The following KARS1 variants were observed in gnomAD, a reference collection of about 807,000 sequenced individuals.
KARS1 encodes lysine--tRNA ligase.
KARS1 carries 50 observed loss-of-function variants against 63.9 expected under a neutral mutation model. The ratio of observed to expected loss-of-function variants is 0.78; its 90% CI spans 0.62 to 0.99. The LOEUF (loss-of-function observed/expected upper bound fraction) is 0.99. Ranked by LOEUF, KARS1 falls within the 50% of genes least tolerant of loss-of-function variation. The pLI is 0.00. For missense variants in KARS1, 816 were observed against 754.5 expected, an observed-to-expected ratio of 1.08 and a Z score of -0.95; for synonymous variants, 320 against 264.6, an observed-to-expected ratio of 1.21 and a Z score of -2.03.
intron 3 of KARS1, 173 bp downstream of exon 3, chr16:75,640,011 T>C: frequency 1.6e-6 from 1 of 639,992 alleles, no homozygotes; most frequent in Non-Finnish European, 2.8e-6. Flanking sequence ...TGATTCCATG[T>C]CTCAGGGCTG....
At chr16:75,635,278 G>C (rs958809533) in intron 6 of KARS1, 1 of 310,882 alleles carries the variant, frequency 3.2e-6, no homozygotes, top group African/African-American at 2.2e-5. Flanking sequence ...TCAAACTCAA[G>C]TTTGGGTAGG....
chr16:75,640,038 A>G (rs2082205608), intron 3 of KARS1, 146 bp downstream of exon 3: 2 of 716,590 alleles, frequency 2.8e-6, no homozygotes, highest in Non-Finnish European at 5.0e-6. Context: ...TTCTTTCTGT[A>G]TAGATATAAT....
Position 75,641,675 on chromosome 16 carries a change from C to A in KARS1, c.111G>T (p.Glu37Asp). ...LKAEKKVAEK[E>D]AKQKELSEKQ... ...TCTCACTGAGCTCTTTCTGTTTGGCCTCCTTCTCTGCTACTTTCTTCTCAG... is the reference window on the plus strand; with the variant it reads ...TCTCACTGAGCTCTTTCTGTTTGGCATCCTTCTCTGCTACTTTCTTCTCAG... Residue 37 changes from glutamate (E) to aspartate (D), a missense_variant, in exon 2 of 14, where the codon GAG (glutamate) becomes GAT (aspartate). Glu to Asp is a conservative substitution (Grantham distance 45). Transcript: ENST00000302445. 1 of 1,614,024 alleles carries A rather than the reference C, an allele frequency of 6.2e-7. No homozygotes were observed. Among genetic ancestry groups the A allele is most frequent in the Non-Finnish European group, 8.5e-7 (1 of 1,180,030 alleles).
chr16:75,630,578 A>C (rs1373647372), intron 10 of KARS1, 70 bp from the exon 11 acceptor site: 1 of 909,812 alleles, frequency 1.1e-6, no homozygotes, highest in Non-Finnish European at 1.8e-6. Flanking sequence ...GCCCAGACAG[A>C]AGATCTCAGC....
intron 1 of KARS1, 112 bp downstream of exon 1, chr16:75,647,466 A>G (rs937681933): frequency 2.0e-6 from 2 of 1,002,960 alleles, no homozygotes; most frequent in African/African-American, 3.2e-5. Flanking sequence ...GTGCGTACCC[A>G]CGAGAGCCGG....
rs747781002 is a variant in KARS1, at chr16:75,628,565, G to A, written c.1695+4C>T. 2.9e-5 allele frequency: 47 copies of A among 1,613,428 alleles called. No homozygotes were observed. Among genetic ancestry groups the A allele is most frequent in the East Asian group, 1.6e-4 (7 of 44,894 alleles). ...AGTGTGCTCTGTGGAGGGTTGCTACGTACCTTGATGTTGTTGGAGTCCGTG... is the reference window on the plus strand; with the variant it reads ...AGTGTGCTCTGTGGAGGGTTGCTACATACCTTGATGTTGTTGGAGTCCGTG... On this transcript the variant is annotated splice_donor_region_variant and intron_variant, in intron 13 of 13. Coordinates refer to ENST00000302445, the MANE Select transcript of KARS1 (RefSeq NM_005548.3).
At chr16:75,634,051 C>A (rs2082137382) in intron 7 of KARS1, 122 bp downstream of exon 7, 2 of 1,051,784 alleles carry the variant, frequency 1.9e-6, no homozygotes, top group Non-Finnish European at 2.9e-6. Context: ...CCTGACCCAT[C>A]AGAACACTTT....
intron 7 of KARS1, 73 bp from the exon 8 acceptor site, chr16:75,631,928 C>T (rs1178086773): frequency 1.5e-5 from 23 of 1,578,684 alleles, no homozygotes; most frequent in Non-Finnish European, 2.0e-5. Context: ...GCTCTTGTTG[C>T]CTAGGCTGGA....
chr16:75,628,071 G>C, intron 13 of KARS1, 78 bp from the exon 14 acceptor site: 1 of 874,548 alleles, frequency 1.1e-6, no homozygotes. Context: ...CATTCCTCTT[G>C]CCTCTGTTGT....
In KARS1 at chr16:75,628,593, A is replaced by G. The variant is rs899355276; in HGVS notation, c.1671T>C (p.Phe557=). The change falls in exon 13 of 14, where the codon TTT becomes TTC. Residue 557 remains phenylalanine, a synonymous_variant. Coordinates refer to ENST00000302445, the MANE Select transcript of KARS1 (RefSeq NM_005548.3). ...CCTTGATGTTGTTGGAGTCCGTGAG[A>G]AACATGGCGACTCGATCAATGCCCA... ...WGMGIDRVAM[F]LTDSNNIKEV... 2 of 1,614,050 alleles carry G rather than the reference A, an allele frequency of 1.2e-6. No homozygotes were observed. Among genetic ancestry groups the G allele is most frequent in the Non-Finnish European group, 1.7e-6 (2 of 1,180,018 alleles).
At chr16:75,633,369 T>C (rs2082131920) in intron 7 of KARS1, among the ~76,000 whole-genome samples, 1 of 152,184 alleles carries the variant, frequency 6.6e-6, no homozygotes, top group East Asian at 1.9e-4. Flanking sequence ...TGAGGAGCAA[T>C]ACCTCACCTA....
Position 75,641,720 on chromosome 16 carries a change from C to G in KARS1, c.66G>C (p.Glu22Asp), listed in dbSNP as rs138480583. 4 of 1,613,656 alleles carry G rather than the reference C, an allele frequency of 2.5e-6. No individual in the cohort carries two copies. In the South Asian group the frequency reaches 3.3e-5, roughly 13 times the overall value. ...DGSEPKLSKN[E>D]LKRRLKAEKK... Reference sequence around the variant, plus strand: ...TCTCAGCTTTCAGGCGTCTCTTCAGCTCACTGTTGGAAAGATGAAAGCGTT... The same window carrying G: ...TCTCAGCTTTCAGGCGTCTCTTCAGGTCACTGTTGGAAAGATGAAAGCGTT... Residue 22 changes from glutamate to aspartate, a missense_variant, in exon 2 of 14, where the codon GAG becomes GAC. Coordinates refer to ENST00000302445, the MANE Select transcript of KARS1 (RefSeq NM_005548.3).
Position 75,644,908 on chromosome 16 carries a change from C to A in KARS1, c.62+2670G>T, listed in dbSNP as rs549730410. Among the ~76,000 whole-genome samples the A allele has an allele frequency of 2.4e-4, 36 of 152,282 alleles. No homozygotes were observed. The South Asian group carries it at 7.2e-3, about 31-fold the overall frequency. On this transcript the variant is annotated intron_variant, in intron 1 of 13. Coordinates refer to ENST00000302445, the MANE Select transcript of KARS1 (RefSeq NM_005548.3). ...TAGACAAAGATAAATGCAAGCCACA[C>A]AAAAATACGTGTCAAAGAGAAGACT... is the stretch of plus-strand genomic sequence containing the variant.
rs2082150308 is a variant in KARS1, at chr16:75,635,295, AG to A, written c.795+384del. The stretch of plus-strand genomic sequence containing the variant: ...AAACTCAAGTTTGGGTAGGGAAGTT[AG>A]TCAGAAGGAGTGAAAGAGCACTTTC... On this transcript the variant is annotated intron_variant, in intron 6 of 13. Transcript: ENST00000302445. 8 of 313,044 alleles carry A rather than the reference AG, an allele frequency of 2.6e-5. No individual in the cohort carries two copies. The Admixed American group carries it at 3.7e-4, about 14-fold the overall frequency. 19.4% of individuals were successfully genotyped at this position (313,044 alleles called of 1,614,324 possible). A position where few individuals can be genotyped will look rare whatever the true frequency, so the allele number is the denominator to read the frequency against.
chr16:75,640,446 C>G, intron 2 of KARS1, 97 bp from the exon 3 acceptor site: 1 of 1,105,202 alleles, frequency 9.0e-7, no homozygotes, highest in South Asian at 1.3e-5. Flanking sequence ...CCCCGAGTGA[C>G]CCCAATACAT....
rs1041667319 is a variant in KARS1, at chr16:75,640,275, G to C, written c.297C>G (p.Phe99Leu). The change falls in exon 3 of 14, where the codon TTC (phenylalanine) becomes TTG (leucine). Residue 99 changes from phenylalanine (F) to leucine (L), a missense_variant. Transcript: ENST00000302445. ...AGTCAGTGAGTGAGATGTCTACATG[G>C]AACTTGTGTGGGTATGGGTCTTCCC... ...VNGEDPYPHK[F>L]HVDISLTDFI... 1.9e-6 allele frequency: 3 copies of C among 1,613,560 alleles called. No homozygotes were observed. The highest frequency in any genetic ancestry group is 2.5e-6 in the Non-Finnish European group (3 of 1,179,904).
intron 10 of KARS1, 102 bp downstream of exon 10, chr16:75,631,066 G>T: frequency 1.2e-6 from 1 of 850,342 alleles, no homozygotes. Context: ...TTCCTGTGAA[G>T]CTGCAGAAAT....
intron 1 of KARS1, among the ~76,000 whole-genome samples, chr16:75,642,185 CTTTTTTTTTT>C (rs148991591): frequency 2.1e-4 from 13 of 63,198 alleles, no homozygotes; most frequent in East Asian, 9.9e-4. Context: ...AGTGCCAGGT[CTTTTTTTTTT>C]TTTTTTTTTT....
At chr16:75,631,976 C>T in intron 7 of KARS1, 121 bp from the exon 8 acceptor site, 1 of 1,173,348 alleles carries the variant, frequency 8.5e-7, no homozygotes, top group South Asian at 1.2e-5. Context: ...CAACCTCCGC[C>T]TCCTAGGTTC....
Sources: gnomAD v4.1 joint callset for allele counts (sites outside exome capture counted in the v4.1 genomes callset) on GRCh38, gnomAD v4.1.1 for gene constraint, MANE v1.5 for transcripts, NCBI Gene and HGNC (gene_info 2026-07-23, HGNC 2026-07-21) for gene names.